CRTC3: variants seen among roughly 807,000 people sequenced by gnomAD.
CRTC3 encodes CREB-regulated transcription coactivator 3.
In CRTC3, 26 loss-of-function variants were observed where a neutral mutation model predicts 74.5. That is an observed-to-expected ratio of 0.35 (90% CI 0.26 to 0.48). CRTC3 has a LOEUF of 0.48. CRTC3 is among the 20% of genes least tolerant of loss of function. The pLI is 0.99. For synonymous variants in CRTC3, 377 were observed against 325.8 expected (o/e 1.16, Z -1.69); for missense variants, 760 against 787.3 (o/e 0.97, Z 0.41).
chr15:90,637,393 G>A (rs536344135), intron 11 of CRTC3, among the ~76,000 whole-genome samples: 7 of 152,220 alleles, frequency 4.6e-5, no homozygotes, highest in South Asian at 2.1e-4. Flanking sequence ...ATCACACACC[G>A]GGGCCTGTTG....
chr15:90,640,470 G>C (rs1240112199), intron 13 of CRTC3, among the ~76,000 whole-genome samples: 1 of 152,146 alleles, frequency 6.6e-6, no homozygotes, highest in African/African-American at 2.4e-5. Flanking sequence ...TGGCTTACTT[G>C]AACTCAGGAG....
At chr15:90,591,351 C>T (rs1235895027) in intron 2 of CRTC3, among the ~76,000 whole-genome samples, 1 of 152,064 alleles carries the variant, frequency 6.6e-6, no homozygotes, top group African/African-American at 2.4e-5. Flanking sequence ...AACTCCTGGC[C>T]TCAAGCAATT....
At chr15:90,623,174 C>G (rs1810970666) in intron 9 of CRTC3, among the ~76,000 whole-genome samples, 1 of 152,130 alleles carries the variant, frequency 6.6e-6, no homozygotes, top group African/African-American at 2.4e-5. Flanking sequence ...CCTTTCTCTG[C>G]TAGTTAACTG....
intron 1 of CRTC3, chr15:90,539,808 G>A (rs1019248043): frequency 7.0e-5 from 34 of 483,602 alleles, no homozygotes; most frequent in African/African-American, 1.2e-4. Flanking sequence ...GCAAGAGGAC[G>A]TTACTATCAT....
chr15:90,590,424 G>A lies in CRTC3; in HGVS notation c.232-3212G>A, dbSNP rs142393534. 7.3e-5 allele frequency among the ~76,000 whole-genome samples: 11 copies of A among 151,302 alleles called. 1 individual carries two copies. In the East Asian group the frequency reaches 1.2e-3, roughly 16 times the overall value. On this transcript the variant is annotated intron_variant, in intron 2 of 14. Coordinates refer to ENST00000268184, the MANE Select transcript of CRTC3 (RefSeq NM_022769.5). ...AAGTGCTTGGCCTTTTGAGTGGCAC[G>A]TAGTATTTCTTTGTCACCCAGGCTG...
chr15:90,600,657 G>A (rs933613578), intron 3 of CRTC3: 1 of 152,180 alleles, frequency 6.6e-6, no homozygotes, highest in Non-Finnish European at 1.5e-5. Flanking sequence ...CTGCCTCTCA[G>A]GATTGAGGTT....
At chr15:90,591,861 A>T (rs1967809308) in intron 2 of CRTC3, among the ~76,000 whole-genome samples, 1 of 152,198 alleles carries the variant, frequency 6.6e-6, no homozygotes, top group Admixed American at 6.5e-5. Context: ...AGTTTGTCCC[A>T]TTATTTTTCA....
rs199608018 is a variant in CRTC3, at chr15:90,604,449, T to C, written c.476+2T>C. ...CAGGCTGACATCTGCACTTAACAGGTACATGGGTTGTTTCCTGGTAGGAGT... is the reference window on the plus strand; with the variant it reads ...CAGGCTGACATCTGCACTTAACAGGCACATGGGTTGTTTCCTGGTAGGAGT... On this transcript the variant is annotated splice_donor_variant, in intron 5 of 14. Transcript: ENST00000268184. LOFTEE classifies it high-confidence loss of function. 1.9e-6 allele frequency: 3 copies of C among 1,611,160 alleles called. No homozygotes were observed. The highest frequency in any genetic ancestry group is 8.5e-7 in the Non-Finnish European group (1 of 1,177,292).
intron 7 of CRTC3, among the ~76,000 whole-genome samples, chr15:90,617,539 T>C (rs1287673179): frequency 6.6e-6 from 1 of 152,230 alleles, no homozygotes; most frequent in African/African-American, 2.4e-5. Flanking sequence ...TTGTTGTCTT[T>C]GTTTTTTTGG....
At chr15:90,630,482 G>A (rs1278855618) in intron 11 of CRTC3, among the ~76,000 whole-genome samples, 2 of 152,174 alleles carry the variant, frequency 1.3e-5, no homozygotes, top group African/African-American at 2.4e-5. Flanking sequence ...GGGTGTGGTG[G>A]CACACGCCTG....
intron 7 of CRTC3, among the ~76,000 whole-genome samples, chr15:90,615,101 G>A (rs1199569393): frequency 3.3e-5 from 5 of 150,214 alleles, no homozygotes; most frequent in African/African-American, 1.0e-4. Context: ...TTAATTAATT[G>A]ATCACTTAAA....
chr15:90,598,687 T>A (rs959615110), intron 3 of CRTC3: 2 of 605,458 alleles, frequency 3.3e-6, no homozygotes. Flanking sequence ...TGAGCTGTCT[T>A]GGGTACTTTT....
At chr15:90,629,964 T>A (rs1968979339) in intron 11 of CRTC3, among the ~76,000 whole-genome samples, 1 of 152,154 alleles carries the variant, frequency 6.6e-6, no homozygotes, top group South Asian at 2.1e-4. Flanking sequence ...ACTCAAGCCA[T>A]CCTCCCAGCG....
chr15:90,601,522 G>A (rs906651981), intron 3 of CRTC3, among the ~76,000 whole-genome samples: 13 of 151,968 alleles, frequency 8.6e-5, no homozygotes, highest in East Asian at 1.9e-4. Flanking sequence ...GTGTGGTGGC[G>A]CATGCCTGTA....
At chr15:90,627,860 C>T (rs1482651675) in intron 10 of CRTC3, among the ~76,000 whole-genome samples, 2 of 145,402 alleles carry the variant, frequency 1.4e-5, no homozygotes, top group African/African-American at 5.0e-5. Flanking sequence ...ATGATCCACC[C>T]GCCTCGGCCT....
intron 2 of CRTC3, among the ~76,000 whole-genome samples, chr15:90,563,176 C>T (rs1456941774): frequency 1.3e-5 from 2 of 152,022 alleles, no homozygotes; most frequent in African/African-American, 2.4e-5. Flanking sequence ...GGGACTGAGG[C>T]GGGTGGATCA....
chr15:90,633,569 C>T (rs763584221), intron 11 of CRTC3, among the ~76,000 whole-genome samples: 9 of 152,180 alleles, frequency 5.9e-5, no homozygotes, highest in Middle Eastern at 3.2e-3. Context: ...CCCCAGTGTT[C>T]TGAAACTTCA....
chr15:90,578,244 C>A (rs1967452828), intron 2 of CRTC3, among the ~76,000 whole-genome samples: 1 of 151,862 alleles, frequency 6.6e-6, no homozygotes, highest in Non-Finnish European at 1.5e-5. Flanking sequence ...CTGAACTGTA[C>A]ATTTAAAAAT....
intron 1 of CRTC3, among the ~76,000 whole-genome samples, chr15:90,534,026 G>A (rs1966676816): frequency 1.3e-5 from 2 of 152,202 alleles, no homozygotes; most frequent in South Asian, 4.1e-4. Context: ...GCAATGGGAA[G>A]TCACTGAAGG....
Sources: gnomAD v4.1 joint callset for allele counts (sites outside exome capture counted in the v4.1 genomes callset) on GRCh38, gnomAD v4.1.1 for gene constraint, MANE v1.5 for transcripts, NCBI Gene and HGNC (gene_info 2026-07-23, HGNC 2026-07-21) for gene names.